The following CYRIB variants were observed in gnomAD, a reference collection of about 807,000 sequenced individuals.
CYRIB encodes CYFIP-related Rac1 interactor B.
In CYRIB, 8 loss-of-function variants were observed where a neutral mutation model predicts 44.2. The observed-to-expected ratio is 0.18, with a 90% confidence interval of 0.11 to 0.33. CYRIB has a LOEUF of 0.33. Among genes scored for constraint, CYRIB ranks in the 10% least tolerant of loss-of-function variants. CYRIB has a pLI of 1.00. For missense variants in CYRIB, 185 were observed against 382.8 expected (o/e 0.48, Z 4.31); for synonymous variants, 131 against 127.2 (o/e 1.03, Z -0.20).
At chr8:129,881,532 A>C (rs1035355802) in intron 2 of CYRIB, among the ~76,000 whole-genome samples, 12 of 152,212 alleles carry the variant, frequency 7.9e-5, no homozygotes, top group African/African-American at 2.9e-4. Flanking sequence ...ATATGTTTCT[A>C]ACTGTAAGCT....
In CYRIB at chr8:129,849,375, G is replaced by A; in HGVS notation, c.714-6C>T. The A allele has an allele frequency of 1.2e-6, 2 of 1,600,152 alleles. No homozygotes were observed. The highest frequency in any genetic ancestry group is 1.7e-4 in the Middle Eastern group (1 of 5,980). On this transcript the variant is annotated splice_polypyrimidine_tract_variant and splice_region_variant and intron_variant, in intron 9 of 11. Transcript: ENST00000519824. ...TAAATCTGCTTCTGTATTCCCTGAA[G>A]AGTAGATAAGATATGCATGGAAGAA...
At chr8:129,954,100 A>G (rs2094651667) in intron 2 of CYRIB, among the ~76,000 whole-genome samples, 1 of 152,144 alleles carries the variant, frequency 6.6e-6, no homozygotes, top group Admixed American at 6.5e-5. Flanking sequence ...CCTCTCCCCA[A>G]GTTGTAATAC....
chr8:129,855,484 G>T, intron 6 of CYRIB, 127 bp downstream of exon 8: 4 of 921,338 alleles, frequency 4.3e-6, no homozygotes, highest in South Asian at 2.2e-5. Flanking sequence ...ATCCAGCTTT[G>T]CATTTTTATT....
intron 1 of CYRIB, among the ~76,000 whole-genome samples, chr8:129,986,296 C>T (rs1270909147): frequency 2.6e-5 from 4 of 152,110 alleles, no homozygotes; most frequent in Non-Finnish European, 2.9e-5. Flanking sequence ...TCAGTGGCCC[C>T]GAGGACAGGC....
intron 2 of CYRIB, chr8:129,890,640 C>G (rs982007847): frequency 2.0e-5 from 3 of 152,176 alleles, no homozygotes; most frequent in Admixed American, 2.0e-4. Context: ...CATCTGTAAT[C>G]CCAGCACTTT....
chr8:129,982,695 C>G (rs2096283048), intron 1 of CYRIB, among the ~76,000 whole-genome samples: 1 of 152,206 alleles, frequency 6.6e-6, no homozygotes, highest in Non-Finnish European at 1.5e-5. Context: ...CTAGAAGCAA[C>G]TAAACCAAAT....
chr8:129,986,706 C>A (rs874581), intron 1 of CYRIB, among the ~76,000 whole-genome samples: 52,277 of 151,878 alleles, frequency 0.34, 9,360 homozygotes, highest in African/African-American at 0.44. Flanking sequence ...CCAGATGCAG[C>A]CCCTCAACCA....
intron 2 of CYRIB, among the ~76,000 whole-genome samples, chr8:129,889,232 T>C (rs553284475): frequency 1.0e-3 from 156 of 152,326 alleles, no homozygotes; most frequent in African/African-American, 3.5e-3. Context: ...AAGCCCACCA[T>C]TGAGCCCTAT....
intron 1 of CYRIB, among the ~76,000 whole-genome samples, chr8:129,987,826 C>T (rs1235845248): frequency 6.6e-6 from 1 of 152,178 alleles, no homozygotes; most frequent in Non-Finnish European, 1.5e-5. Context: ...CCTGCCTCGG[C>T]TTCCCAAAGT....
chr8:129,917,158 A>G (rs1424309602), intron 1 of CYRIB, among the ~76,000 whole-genome samples: 1 of 152,248 alleles, frequency 6.6e-6, no homozygotes, highest in Non-Finnish European at 1.5e-5. Flanking sequence ...TAGAAACACC[A>G]AACTGTTTAA....
intron 1 of CYRIB, among the ~76,000 whole-genome samples, chr8:129,920,403 G>A (rs1047421815): frequency 2.2e-4 from 33 of 152,062 alleles, no homozygotes; most frequent in Non-Finnish European, 4.1e-4. Flanking sequence ...TTCTTCAGTA[G>A]AAGAACTTTA....
At chr8:129,980,236 A>C (rs867716707) in intron 1 of CYRIB, among the ~76,000 whole-genome samples, 3 of 150,672 alleles carry the variant, frequency 2.0e-5, no homozygotes, top group Non-Finnish European at 4.4e-5. Flanking sequence ...TCAAAAAAAA[A>C]AAAAAAAAAA....
At position 129,863,213 on chromosome 8, in the gene CYRIB, A is replaced by C. The variant is rs189835861; in HGVS notation, c.196-879T>G. 3.7e-3 allele frequency among the ~76,000 whole-genome samples: 566 copies of C among 152,310 alleles called. 4 individuals carry two copies. The highest frequency in any genetic ancestry group is 0.013 in the African/African-American group (548 of 41,576). ...AAACTACCTACGACTTAAGAACCTAAATCAAGCTGAAACTGTGATTTAAGA... is the reference window on the plus strand; with the variant it reads ...AAACTACCTACGACTTAAGAACCTACATCAAGCTGAAACTGTGATTTAAGA... On this transcript the variant is annotated intron_variant, in intron 4 of 11. Coordinates refer to ENST00000519824, the Ensembl canonical transcript of CYRIB.
exon 12 of CYRIB, chr8:129,841,150 G>A (rs2036121958): frequency 6.6e-6 from 1 of 152,104 alleles, no homozygotes; most frequent in African/African-American, 2.4e-5. Flanking sequence ...GGGCTACTCT[G>A]CCTTCATGTT....
chr8:129,852,799 G>GTA (rs1166580115), intron 7 of CYRIB, among the ~76,000 whole-genome samples: 7 of 152,180 alleles, frequency 4.6e-5, no homozygotes, highest in Admixed American at 3.3e-4. Flanking sequence ...CATATTCAGT[G>GTA]TAATAAGGGG....
At chr8:129,895,189 G>A (rs2067414971) in intron 2 of CYRIB, among the ~76,000 whole-genome samples, 1 of 150,986 alleles carries the variant, frequency 6.6e-6, no homozygotes, top group Non-Finnish European at 1.5e-5. Flanking sequence ...TTTTTGTAGA[G>A]ACAGGATCTC....
At chr8:129,965,714 T>C (rs1202956667) in intron 2 of CYRIB, among the ~76,000 whole-genome samples, 1 of 151,506 alleles carries the variant, frequency 6.6e-6, no homozygotes, top group East Asian at 2.0e-4. Flanking sequence ...GAGAATGGCA[T>C]GAACCCAGGA....
At chr8:130,011,892 G>A (rs2097230474) in intron 1 of CYRIB, among the ~76,000 whole-genome samples, 3 of 151,758 alleles carry the variant, frequency 2.0e-5, no homozygotes, top group Admixed American at 2.0e-4. Context: ...GCCTGGCAGA[G>A]TCAGACAGAC....
At chr8:130,016,448 G>GA (rs1240443258) in exon 1 of CYRIB, 1 of 150,704 alleles carries the variant, frequency 6.6e-6, no homozygotes, top group Non-Finnish European at 1.5e-5. Context: ...CGCCGCCGCC[G>GA]TTTCCGGGTT....
Sources: allele counts gnomAD v4.1 joint callset (sites outside exome capture counted in the v4.1 genomes callset), GRCh38; gene constraint gnomAD v4.1.1; transcripts MANE v1.5; gene names NCBI Gene and HGNC (gene_info 2026-07-23, HGNC 2026-07-21).